The following COL4A4 variants were observed in gnomAD, a reference collection of about 807,000 sequenced individuals.
COL4A4 encodes the protein collagen type IV alpha 4 chain, also known as collagen alpha-4(IV) chain.
In COL4A4, 105 loss-of-function variants were observed where a neutral mutation model predicts 192.9. That is an observed-to-expected ratio of 0.54 (90% CI 0.46 to 0.64). The LOEUF is 0.64. Among genes scored for constraint, COL4A4 ranks in the 30% least tolerant of loss-of-function variants. The probability of loss-of-function intolerance (pLI) is 0.00; values close to 1 mark genes in which losing one functional copy is unlikely to be tolerated. For synonymous variants in COL4A4, 762 were observed against 769.9 expected, an observed-to-expected ratio of 0.99 and a Z score of 0.17; for missense variants, 1,967 against 2,169.3, an observed-to-expected ratio of 0.91 and a Z score of 1.85.
Position 227,103,902 on chromosome 2 carries a change from G to A in COL4A4, c.816+70C>T, listed in dbSNP as rs920543112. The A allele has an allele frequency of 5.8e-6, 7 of 1,203,948 alleles. No homozygotes were observed. The African/African-American group carries it at 9.0e-5, about 15-fold the overall frequency. The allele number at this position is 1,203,948 out of a possible 1,614,324, so 74.6% of individuals were successfully genotyped here. A position where few individuals can be genotyped will look rare whatever the true frequency, so the allele number is the denominator to read the frequency against. ...CATAGAAAGACCTCTATACTTTGCT[G>A]CCACAGATCCATGTCAAAAAATATT... On this transcript the variant is annotated intron_variant, in intron 13 of 47. Transcript: ENST00000396625.
intron 19 of COL4A4, among the ~76,000 whole-genome samples, chr2:227,095,863 C>T (rs1040951856): frequency 6.6e-6 from 1 of 152,154 alleles, no homozygotes; most frequent in Non-Finnish European, 1.5e-5. Context: ...TCATTGCACT[C>T]TTGCACTCTA....
rs1307362007 is a variant in COL4A4, at chr2:227,007,235, T to C, written c.*90A>G. 2.5e-6 allele frequency: 4 copies of C among 1,570,216 alleles called. No homozygotes were observed. The highest frequency in any genetic ancestry group is 3.5e-6 in the Non-Finnish European group (4 of 1,141,144). ...GGAACCACTGAAAGGGAGTCCAAAA[T>C]GAGCACCATGACATCTCTTAGCACA... is the stretch of plus-strand genomic sequence containing the variant. On this transcript the variant is annotated 3_prime_UTR_variant, in exon 48 of 48. Coordinates refer to ENST00000396625, the MANE Select transcript of COL4A4 (RefSeq NM_000092.5).
chr2:227,039,320 T>C (rs1337179929), intron 37 of COL4A4, among the ~76,000 whole-genome samples: 1 of 152,008 alleles, frequency 6.6e-6, no homozygotes, highest in Non-Finnish European at 1.5e-5. Context: ...GCACCCGCCA[T>C]CACGCTCACC....
intron 25 of COL4A4, among the ~76,000 whole-genome samples, chr2:227,075,106 C>T (rs1232261430): frequency 6.6e-6 from 1 of 152,148 alleles, no homozygotes; most frequent in Non-Finnish European, 1.5e-5. Flanking sequence ...TCTTCTGAAA[C>T]TATTCCAAAC....
intron 4 of COL4A4, among the ~76,000 whole-genome samples, chr2:227,139,683 C>T (rs2063065350): frequency 6.6e-6 from 1 of 152,164 alleles, no homozygotes; most frequent in African/African-American, 2.4e-5. Context: ...TAGAACAGTG[C>T]CTGGCACATA....
Position 227,030,521 on chromosome 2 carries a change from G to A in COL4A4, c.3895C>T (p.Pro1299Ser). 1 of 1,613,810 alleles carries A rather than the reference G, an allele frequency of 6.2e-7. No individual in the cohort carries two copies. The highest frequency in any genetic ancestry group is 8.5e-7 in the Non-Finnish European group (1 of 1,179,742). The change falls in exon 41 of 48, where the codon CCA becomes TCA. Residue 1299 changes from proline to serine, a missense_variant. By Grantham distance (74) the Pro-to-Ser change is moderately conservative. Transcript: ENST00000396625. ...GEPGDCGLPGPPGPPGPPGPP... is the reference protein window; with the variant it reads ...GEPGDCGLPGSPGPPGPPGPP... Reference sequence around the variant, plus strand: ...CCTGGTGGGCCAGGGGGACCTGGTGGCCCTGGTAGACCACAGTCACCTGGC... The same window carrying A: ...CCTGGTGGGCCAGGGGGACCTGGTGACCCTGGTAGACCACAGTCACCTGGC...
chr2:227,160,555 A>G lies in COL4A4; in HGVS notation c.-102+3452T>C, dbSNP rs537788857. Among the ~76,000 whole-genome samples, 5 of 152,256 alleles carry G rather than the reference A, an allele frequency of 3.3e-5. No homozygotes were observed. The South Asian group carries it at 1.0e-3, about 32-fold the overall frequency. ...ACAATAAACAGAGGACCCCCACCCC[A>G]TTCCCACCTCCCCATGTCCCGTGAT... On this transcript the variant is annotated intron_variant, in intron 1 of 47. Coordinates refer to ENST00000396625, the MANE Select transcript of COL4A4 (RefSeq NM_000092.5).
chr2:227,142,781 CAAA>C (rs1056589448), intron 3 of COL4A4, among the ~76,000 whole-genome samples: 5 of 149,392 alleles, frequency 3.3e-5, no homozygotes, highest in African/African-American at 4.9e-5. Context: ...AAAGTTCAAA[CAAA>C]GAAGTTATTA....
intron 45 of COL4A4, among the ~76,000 whole-genome samples, chr2:227,011,280 G>C (rs1296369807): frequency 6.6e-6 from 1 of 151,876 alleles, no homozygotes; most frequent in Non-Finnish European, 1.5e-5. Flanking sequence ...AGACTGGCAG[G>C]CTCTCCCCAT....
chr2:227,001,392 T>A (rs200342257), downstream of COL4A4, among the ~76,000 whole-genome samples: 1 of 40,226 alleles, frequency 2.5e-5, no homozygotes. Flanking sequence ...CCTGTGGGAT[T>A]CCCCCAAAAT....
chr2:227,110,373 C>T (rs1213435033), intron 9 of COL4A4, among the ~76,000 whole-genome samples: 2 of 152,198 alleles, frequency 1.3e-5, no homozygotes, highest in South Asian at 2.1e-4. Context: ...CCAGAAGTTA[C>T]AGGGCAAAAT....
At chr2:226,976,001 C>T in the COL4A4 span, among the ~76,000 whole-genome samples, 25 of 151,988 alleles carry the variant, frequency 1.6e-4, no homozygotes, top group African/African-American at 5.8e-4. Flanking sequence ...AAATAGGTCT[C>T]CTGCCCCCAT....
At position 227,155,687 on chromosome 2, in the gene COL4A4, T is replaced by C. The variant is rs893567627; in HGVS notation, c.-101-8103A>G. ...GCAGGGTCCACTCCCAAATACAATGTGAGGCTAGCATTTGCCTTCGATGAC... is the reference window on the plus strand; with the variant it reads ...GCAGGGTCCACTCCCAAATACAATGCGAGGCTAGCATTTGCCTTCGATGAC... On this transcript the variant is annotated intron_variant, in intron 1 of 47. Coordinates refer to ENST00000396625, the MANE Select transcript of COL4A4 (RefSeq NM_000092.5). 3.3e-5 allele frequency among the ~76,000 whole-genome samples: 5 copies of C among 152,260 alleles called. No homozygotes were observed. The East Asian group carries it at 9.7e-4, about 29-fold the overall frequency.
intron 41 of COL4A4, among the ~76,000 whole-genome samples, chr2:227,028,482 A>G (rs1191764692): frequency 6.6e-6 from 1 of 151,828 alleles, no homozygotes; most frequent in Non-Finnish European, 1.5e-5. Flanking sequence ...TAGAGATAAG[A>G]CCCAGTTTCA....
At chr2:227,102,495 A>G (rs1045521540) in intron 15 of COL4A4, among the ~76,000 whole-genome samples, 1 of 152,206 alleles carries the variant, frequency 6.6e-6, no homozygotes, top group African/African-American at 2.4e-5. Context: ...ATAGACTTAA[A>G]TTAACTATTC....
At chr2:227,058,156 C>A (rs948605490) in intron 28 of COL4A4, among the ~76,000 whole-genome samples, 1 of 152,156 alleles carries the variant, frequency 6.6e-6, no homozygotes, top group East Asian at 1.9e-4. Context: ...GTTGTTGGAG[C>A]GCTTCAGATT....
intron 1 of COL4A4, among the ~76,000 whole-genome samples, chr2:227,163,773 C>T (rs111810370): frequency 4.4e-4 from 67 of 152,308 alleles, no homozygotes; most frequent in African/African-American, 1.6e-3. Flanking sequence ...TTGGAGTGCC[C>T]CGACTGCCAG....
chr2:226,994,197 T>A, the COL4A4 span, among the ~76,000 whole-genome samples: 839 of 152,328 alleles, frequency 5.5e-3, 10 homozygotes, highest in African/African-American at 0.019. Context: ...AAGCAGGTGC[T>A]GTTGAGTCAA....
Position 227,080,549 on chromosome 2 carries a change from C to T in COL4A4, c.1697G>A (p.Gly566Glu). The change falls in exon 24 of 48, where the codon GGG becomes GAG. Residue 566 changes from glycine to glutamate, a missense_variant and splice_region_variant. Physicochemically the swap from Gly to Glu is moderately conservative, Grantham distance 98 (BLOSUM62 -2). Transcript: ENST00000396625. ...KGDMVVSRVK[G>E]HKGERGPDGP... ...ATCAGGACCTCTTTCTCCTTTGTGC[C>T]CTGGAAATAGAGGTCAAAAGATATT... 6.2e-7 allele frequency: 1 copy of T among 1,613,216 alleles called. No individual in the cohort carries two copies.
Sources: allele counts gnomAD v4.1 joint callset (sites outside exome capture counted in the v4.1 genomes callset), GRCh38; gene constraint gnomAD v4.1.1; transcripts MANE v1.5; gene names NCBI Gene and HGNC (gene_info 2026-07-23, HGNC 2026-07-21).